The following CACNA2D3 variants were observed in gnomAD, a reference collection of about 807,000 sequenced individuals.
The protein encoded by CACNA2D3 is calcium voltage-gated channel auxiliary subunit alpha2delta 3.
In CACNA2D3, 60 loss-of-function variants were observed where a neutral mutation model predicts 160.6. The observed-to-expected ratio is 0.37, with a 90% CI of 0.30 to 0.46. The LOEUF (loss-of-function observed/expected upper bound fraction) is 0.46, where lower values mean the gene tolerates loss of function less well. CACNA2D3 is among the 20% of genes least tolerant of loss of function. The probability of loss-of-function intolerance (pLI) is 1.00; values close to 1 mark genes in which losing one functional copy is unlikely to be tolerated. For missense variants in CACNA2D3, 1,205 were observed against 1,365.0 expected (o/e 0.88, Z 1.85); for synonymous variants, 558 against 492.9 (o/e 1.13, Z -1.75).
rs1032806406 is a variant in CACNA2D3 at position 55,020,187 on chromosome 3, T to C, written c.2987+1870T>C. On this transcript the variant is annotated intron_variant, in intron 35 of 37. Transcript: ENST00000474759. The stretch of plus-strand genomic sequence containing the variant: ...TTCTAAAATTTTAAATCATGAAATA[T>C]ATATATACATATAAAATACTTCTAA... 4.0e-5 allele frequency among the ~76,000 whole-genome samples: 6 copies of C among 151,416 alleles called. No homozygotes were observed. In the East Asian group the frequency reaches 1.2e-3, roughly 29 times the overall value.
At chr3:54,243,325 C>G (rs1702008901) in intron 2 of CACNA2D3, among the ~76,000 whole-genome samples, 2 of 152,172 alleles carry the variant, frequency 1.3e-5, no homozygotes. Context: ...GGAATGGGTG[C>G]CCTTGATTAT....
At chr3:54,350,966 C>CGGTTTTTTTTTTTTT (rs1559457706) in intron 3 of CACNA2D3, among the ~76,000 whole-genome samples, 5 of 63,300 alleles carry the variant, frequency 7.9e-5, no homozygotes, top group Non-Finnish European at 1.4e-4. Context: ...GATCTTGAGT[C>CGGTTTTTTTTTTTTT]TGTTTTTTTT....
intron 3 of CACNA2D3, among the ~76,000 whole-genome samples, chr3:54,379,389 A>G (rs71301877): frequency 6.6e-6 from 1 of 152,242 alleles, no homozygotes; most frequent in Non-Finnish European, 1.5e-5. Flanking sequence ...TTGGTGATTT[A>G]TATGTGCCAT....
At chr3:54,177,088 A>G (rs1700693227) in intron 2 of CACNA2D3, among the ~76,000 whole-genome samples, 2 of 152,238 alleles carry the variant, frequency 1.3e-5, no homozygotes, top group African/African-American at 2.4e-5. Flanking sequence ...TGAGTCCCCC[A>G]TAAATGGTAG....
At chr3:54,318,230 G>A (rs144944722) in intron 2 of CACNA2D3, among the ~76,000 whole-genome samples, 2 of 152,282 alleles carry the variant, frequency 1.3e-5, no homozygotes, top group African/African-American at 2.4e-5. Flanking sequence ...AGCACAGACG[G>A]TTTTGGGGTC....
chr3:54,146,602 G>A (rs960958771), intron 2 of CACNA2D3, among the ~76,000 whole-genome samples: 9 of 152,138 alleles, frequency 5.9e-5, no homozygotes, highest in Admixed American at 5.2e-4. Flanking sequence ...GAAGGGGGGC[G>A]TGGCCTAGTG....
chr3:54,152,348 ATTGGCAGATC>A (rs1261955084), intron 2 of CACNA2D3, among the ~76,000 whole-genome samples: 1 of 152,160 alleles, frequency 6.6e-6, no homozygotes, highest in African/African-American at 2.4e-5. Context: ...CTGCATTCCT[ATTGGCAGATC>A]TTCTGATTTG....
chr3:54,254,007 C>T (rs1402107923), intron 2 of CACNA2D3, among the ~76,000 whole-genome samples: 2 of 152,146 alleles, frequency 1.3e-5, no homozygotes, highest in Non-Finnish European at 2.9e-5. Context: ...CCTCGTGATC[C>T]AGCCGCCTCA....
intron 17 of CACNA2D3, among the ~76,000 whole-genome samples, chr3:54,853,823 C>T (rs897212805): frequency 2.6e-5 from 4 of 152,176 alleles, no homozygotes; most frequent in African/African-American, 9.6e-5. Context: ...CCTGACTTCT[C>T]TGTCTCATCT....
At chr3:54,194,993 C>G (rs554006489) in intron 2 of CACNA2D3, among the ~76,000 whole-genome samples, 60 of 152,360 alleles carry the variant, frequency 3.9e-4, no homozygotes, top group African/African-American at 1.3e-3. Context: ...TGTACCTACT[C>G]TGATCTTTCT....
intron 2 of CACNA2D3, among the ~76,000 whole-genome samples, chr3:54,204,281 A>G (rs891534401): frequency 2.6e-5 from 4 of 152,100 alleles, no homozygotes; most frequent in Non-Finnish European, 5.9e-5. Context: ...ATATATATAT[A>G]CACATACACA....
In CACNA2D3 at chr3:54,403,395, ACACG is replaced by A. The variant is rs1179928670; in HGVS notation, c.381+16625_381+16628del. 1.4e-3 allele frequency among the ~76,000 whole-genome samples: 192 copies of A among 140,108 alleles called. 1 individual carries two copies. The East Asian group carries it at 0.014, about 10-fold the overall frequency. 91.9% of individuals were successfully genotyped at this position (140,108 alleles called of 152,430 possible). A position where few individuals can be genotyped will look rare whatever the true frequency, so the allele number is the denominator to read the frequency against. On this transcript the variant is annotated intron_variant, in intron 4 of 37. Transcript: ENST00000474759. Reference sequence around the variant, plus strand: ...CACACACACACACACACACACACACACACGCACACACAATAAAAATATCTTGAGA... The same window carrying A: ...CACACACACACACACACACACACACACACACACAATAAAAATATCTTGAGA...
intron 17 of CACNA2D3, among the ~76,000 whole-genome samples, chr3:54,861,788 G>A (rs952868507): frequency 6.6e-5 from 10 of 152,162 alleles, no homozygotes; most frequent in Non-Finnish European, 1.0e-4. Context: ...CCTGGCTCAC[G>A]CCACTTTCTC....
intron 12 of CACNA2D3, among the ~76,000 whole-genome samples, chr3:54,763,802 C>T (rs1209079864): frequency 0.02 from 267 of 13,270 alleles, 67 homozygotes; most frequent in Non-Finnish European, 0.047. Flanking sequence ...TATATATGTA[C>T]ATATATATAC....
intron 3 of CACNA2D3, among the ~76,000 whole-genome samples, chr3:54,347,467 G>A (rs567224391): frequency 2.0e-5 from 3 of 152,062 alleles, no homozygotes; most frequent in Non-Finnish European, 2.9e-5. Flanking sequence ...TTCTTTAGAC[G>A]GCAACTTAAG....
intron 27 of CACNA2D3, among the ~76,000 whole-genome samples, chr3:54,933,389 G>A (rs1352092604): frequency 1.3e-5 from 2 of 152,104 alleles, no homozygotes; most frequent in Non-Finnish European, 2.9e-5. Context: ...TGTCATTCAG[G>A]GACCCAGGCT....
intron 2 of CACNA2D3, among the ~76,000 whole-genome samples, chr3:54,289,753 G>A (rs1412698555): frequency 2.6e-5 from 4 of 152,156 alleles, no homozygotes; most frequent in Admixed American, 6.5e-5. Flanking sequence ...AAATAATGCC[G>A]CATATCTACA....
chr3:54,125,242 T>TACACACACACACACACACACACAC (rs59950857), intron 2 of CACNA2D3, among the ~76,000 whole-genome samples: 1 of 147,944 alleles, frequency 6.8e-6, no homozygotes, highest in Non-Finnish European at 1.5e-5. Flanking sequence ...TCTTTGAAGT[T>TACACACACACACACACACACACAC]ACACACACAC....
rs771556070 is a variant in CACNA2D3 at position 54,876,021 on chromosome 3, G to C, written c.1711-2997G>C. Among the ~76,000 whole-genome samples, 11 of 152,252 alleles carry C rather than the reference G, an allele frequency of 7.2e-5. No homozygotes were observed. The East Asian group carries it at 7.7e-4, about 11-fold the overall frequency. On this transcript the variant is annotated intron_variant, in intron 18 of 37. Transcript: ENST00000474759. The stretch of plus-strand genomic sequence containing the variant: ...TGTTAAGTTGAACAGCTGCACATGG[G>C]TTTTTTAATGACTACATAATATGCT...
Sources: allele counts gnomAD v4.1 joint callset (sites outside exome capture counted in the v4.1 genomes callset), GRCh38; gene constraint gnomAD v4.1.1; transcripts MANE v1.5; gene names NCBI Gene and HGNC (gene_info 2026-07-23, HGNC 2026-07-21).